STARD6: variants seen among roughly 807,000 people sequenced by gnomAD.
The protein encoded by STARD6 is StAR related lipid transfer domain containing 6.
A neutral mutation model predicts 22.3 loss-of-function variants in STARD6; 21 were observed. The observed-to-expected ratio is 0.94, with a 90% CI of 0.67 to 1.35. The LOEUF (loss-of-function observed/expected upper bound fraction) is 1.35. STARD6 is among the 40% of genes most tolerant of loss of function. The pLI is 0.00. For missense variants in STARD6, 269 were observed against 266.9 expected (o/e 1.01, Z -0.05); for synonymous variants, 80 against 88.1 (o/e 0.91, Z 0.52).
chr18:54,335,004 G>C (rs1241528893), intron 5 of STARD6, among the ~76,000 whole-genome samples: 1 of 151,968 alleles, frequency 6.6e-6, no homozygotes, highest in Admixed American at 6.6e-5. Context: ...GAATTAATTA[G>C]TCAAAAGAAC....
intron 5 of STARD6, among the ~76,000 whole-genome samples, chr18:54,334,620 C>A: frequency 6.6e-6 from 1 of 151,946 alleles, no homozygotes. Flanking sequence ...GTGTCTGCTA[C>A]TCTCTCCCAG....
intron 4 of STARD6, among the ~76,000 whole-genome samples, chr18:54,340,551 A>G (rs1482533488): frequency 6.6e-6 from 1 of 152,136 alleles, no homozygotes; most frequent in Non-Finnish European, 1.5e-5. Context: ...ATACAGGAAA[A>G]ATGACAGACA....
chr18:54,324,954 G>C lies in STARD6; in HGVS notation c.480-79C>G, dbSNP rs944241958. 2.5e-6 allele frequency: 3 copies of C among 1,194,320 alleles called. No individual in the cohort carries two copies. In the African/African-American group the frequency reaches 4.8e-5, roughly 19 times the overall value. 74.0% of individuals were successfully genotyped at this position (1,194,320 alleles called of 1,614,324 possible). A position where few individuals can be genotyped will look rare whatever the true frequency, so the allele number is the denominator to read the frequency against. ...TGACTTTACAGGTTTTTGGAGAGCA[G>C]GATTCTTATCTTATTCACCGTTGAC... On this transcript the variant is annotated intron_variant, in intron 7 of 7. Transcript: ENST00000307844.
rs1383949083 is a variant in STARD6 at position 54,343,919 on chromosome 18, C to T, written c.141-6668G>A. On this transcript the variant is annotated intron_variant, in intron 4 of 7. Coordinates refer to ENST00000307844, the MANE Select transcript of STARD6 (RefSeq NM_139171.2). ...GAGGTGGGGGGGTCAGCCCCCCGCC[C>T]GGCCAGCCGCCCCGTCCGCGAGGGA... 7.0e-5 allele frequency among the ~76,000 whole-genome samples: 3 copies of T among 42,952 alleles called. 1 individual carries two copies. Among genetic ancestry groups the T allele is most frequent in the Admixed American group, 3.3e-4 (2 of 6,102 alleles). 28.2% of individuals were successfully genotyped at this position (42,952 alleles called of 152,430 possible).
chr18:54,348,280 G>A (rs2089057700), intron 4 of STARD6, among the ~76,000 whole-genome samples: 1 of 152,152 alleles, frequency 6.6e-6, no homozygotes, highest in Admixed American at 6.6e-5. Context: ...TAGAATAGAG[G>A]ATTAAATGTA....
At position 54,347,517 on chromosome 18, in the gene STARD6, C is replaced by G. The variant is rs79810146; in HGVS notation, c.140+6537G>C. ...CCCAAATTCTATTTTAAAAATAGTA[C>G]TACAATATTCATCACTGAATAACAT... On this transcript the variant is annotated intron_variant, in intron 4 of 7. Transcript: ENST00000307844. Among the ~76,000 whole-genome samples the G allele has an allele frequency of 3.7e-4, 56 of 152,144 alleles. No individual in the cohort carries two copies. In the East Asian group the frequency reaches 0.011, roughly 29 times the overall value.
Position 54,324,511 on chromosome 18 carries a change from TAATGCCA to T in STARD6, c.*174_*180del. On this transcript the variant is annotated 3_prime_UTR_variant, in exon 8 of 8. Coordinates refer to ENST00000307844, the MANE Select transcript of STARD6 (RefSeq NM_139171.2). ...CTTACGTGAGATTAAAAACGGTATT[TAATGCCA>T]TATTCTTGTACAACTATGAGTTCTT... The T allele has an allele frequency of 2.0e-6, 1 of 493,876 alleles. No individual in the cohort carries two copies. The allele number at this position is 493,876 out of a possible 1,614,324, so 30.6% of individuals were successfully genotyped here. A position where few individuals can be genotyped will look rare whatever the true frequency, so the allele number is the denominator to read the frequency against.
chr18:54,337,247 G>T lies in STARD6; in HGVS notation c.145C>A (p.Arg49Ser), dbSNP rs1339772806. ...GATTCTGGAATTATCCCTTCAACAC[G>T]ATATCTACAGTTAACAAAATAAAGA... ...ASRKFHGNLY[R>S]VEGIIPESPA... Residue 49 changes from arginine to serine, a missense_variant, in exon 5 of 8, where the codon CGT becomes AGT. Coordinates refer to ENST00000307844, the MANE Select transcript of STARD6 (RefSeq NM_139171.2). 6.2e-7 allele frequency: 1 copy of T among 1,608,914 alleles called. No individual in the cohort carries two copies. Among genetic ancestry groups the T allele is most frequent in the Non-Finnish European group, 8.5e-7 (1 of 1,178,178 alleles).
At chr18:54,328,880 C>G (rs768738121) in intron 7 of STARD6, among the ~76,000 whole-genome samples, 2 of 152,104 alleles carry the variant, frequency 1.3e-5, no homozygotes, top group Non-Finnish European at 2.9e-5. Flanking sequence ...TTCTTTTTAT[C>G]TGAATGTACC....
rs772622790 is a variant in STARD6 at position 54,354,613 on chromosome 18, T to TAACCATATA, written c.-4-45_-4-37dup. 125 of 1,477,440 alleles carry TAACCATATA rather than the reference T, an allele frequency of 8.5e-5. No homozygotes were observed. In the East Asian group the frequency reaches 2.8e-3, roughly 33 times the overall value. The allele number at this position is 1,477,440 out of a possible 1,614,324, so 91.5% of individuals were successfully genotyped here. ...TAAAAACAAACAACTGGTAAGAATATAACCATATAAAAACTTAAAAAGTGC... is the reference window on the plus strand; with the variant it reads ...TAAAAACAAACAACTGGTAAGAATATAACCATATAAACCATATAAAAACTTAAAAAGTGC... On this transcript the variant is annotated intron_variant, in intron 2 of 7. Transcript: ENST00000307844.
chr18:54,346,404 T>C (rs939960363), intron 4 of STARD6, among the ~76,000 whole-genome samples: 5 of 151,872 alleles, frequency 3.3e-5, no homozygotes, highest in Non-Finnish European at 7.4e-5. Flanking sequence ...AGAAGACAGA[T>C]ATGAAAAATG....
At chr18:54,350,134 A>T (rs1200143303) in intron 4 of STARD6, among the ~76,000 whole-genome samples, 1 of 152,090 alleles carries the variant, frequency 6.6e-6, no homozygotes, top group African/African-American at 2.4e-5. Flanking sequence ...CACCACATCC[A>T]TGCCAAAATG....
At chr18:54,348,926 T>C (rs891119073) in intron 4 of STARD6, among the ~76,000 whole-genome samples, 8 of 152,158 alleles carry the variant, frequency 5.3e-5, no homozygotes, top group Admixed American at 6.6e-5. Context: ...TTATAAGATA[T>C]ATAACTTCCC....
At chr18:54,326,592 A>G (rs1383591524) in intron 7 of STARD6, among the ~76,000 whole-genome samples, 1 of 149,624 alleles carries the variant, frequency 6.7e-6, no homozygotes, top group Non-Finnish European at 1.5e-5. Flanking sequence ...TCAGCCTCCC[A>G]AAGTGCTGGG....
intron 4 of STARD6, among the ~76,000 whole-genome samples, chr18:54,338,980 G>A (rs560248667): frequency 1.3e-3 from 197 of 146,752 alleles, no homozygotes; most frequent in Middle Eastern, 7.0e-3. Flanking sequence ...CCCAGGAGGC[G>A]GAGGTTGCAG....
intron 6 of STARD6, among the ~76,000 whole-genome samples, chr18:54,331,133 T>A (rs1599296426): frequency 2.0e-5 from 3 of 152,176 alleles, no homozygotes; most frequent in African/African-American, 7.2e-5. Flanking sequence ...TCTATGCCAC[T>A]GTGATACCCA....
At chr18:54,334,220 C>T (rs748850904) in intron 5 of STARD6, among the ~76,000 whole-genome samples, 18 of 152,186 alleles carry the variant, frequency 1.2e-4, no homozygotes, top group Non-Finnish European at 5.9e-5. Flanking sequence ...ACGTCTACCA[C>T]CCTTGCACAA....
chr18:54,354,085 TG>T lies in STARD6; in HGVS notation c.108del (p.Ser37ValfsTer17). 6.4e-7 allele frequency: 1 copy of T among 1,567,360 alleles called. No homozygotes were observed. Among genetic ancestry groups the T allele is most frequent in the Non-Finnish European group, 8.7e-7 (1 of 1,154,524 alleles). On this transcript the variant is annotated frameshift_variant, in exon 4 of 8. Transcript: ENST00000307844. ...CCATGGAATTTTCTAGAAGCCTTACTGGAAACAGTTATCTTTTTCTCAAAGG... is the reference window on the plus strand; with the variant it reads ...CCATGGAATTTTCTAGAAGCCTTACTGAAACAGTTATCTTTTTCTCAAAGG... ...VVKTSKKITV[S>X]SKASRKFHGN... is the part of the protein sequence containing the mutation.
At chr18:54,347,257 A>G (rs1207575870) in intron 4 of STARD6, among the ~76,000 whole-genome samples, 1 of 152,136 alleles carries the variant, frequency 6.6e-6, no homozygotes, top group South Asian at 2.1e-4. Context: ...CCAAAATAAG[A>G]TGATTCAATA....
Sources: allele counts gnomAD v4.1 joint callset (sites outside exome capture counted in the v4.1 genomes callset), GRCh38; gene constraint gnomAD v4.1.1; transcripts MANE v1.5; gene names NCBI Gene and HGNC (gene_info 2026-07-23, HGNC 2026-07-21).